The following ZNF451 variants were observed in gnomAD, a reference collection of about 807,000 sequenced individuals.
ZNF451 encodes the protein E3 SUMO-protein ligase ZNF451.
In ZNF451, 80 loss-of-function variants were observed where a neutral mutation model predicts 107.1. The observed-to-expected ratio is 0.75, with a 90% CI of 0.62 to 0.90. ZNF451 has a LOEUF of 0.90. Ranked by LOEUF, ZNF451 falls within the 40% of genes least tolerant of loss-of-function variation. The pLI is 0.00. For missense variants in ZNF451, 1,107 were observed against 1,236.2 expected, an observed-to-expected ratio of 0.90 and a Z score of 1.57; for synonymous variants, 362 against 406.5, an observed-to-expected ratio of 0.89 and a Z score of 1.32.
rs1324639873 is a variant in ZNF451 at position 57,092,065 on chromosome 6, T to C, written c.105+1171T>C. On this transcript the variant is annotated intron_variant, in intron 2 of 14. Transcript: ENST00000370706. ...TTCCTTCACCATGCGCTGAAGTATG[T>C]TTAATAACAGGTTTCCATGGCTCTT... 2.0e-5 allele frequency among the ~76,000 whole-genome samples: 3 copies of C among 152,272 alleles called. No homozygotes were observed. In the East Asian group the frequency reaches 5.8e-4, roughly 29 times the overall value.
chr6:57,141,094 T>G (rs566903056), intron 7 of ZNF451, among the ~76,000 whole-genome samples: 20 of 152,278 alleles, frequency 1.3e-4, no homozygotes, highest in Non-Finnish European at 2.6e-4. Flanking sequence ...TAATTTGGTT[T>G]TGAGGAAAAA....
At chr6:57,093,483 G>T (rs1485688240) in intron 2 of ZNF451, among the ~76,000 whole-genome samples, 4 of 152,206 alleles carry the variant, frequency 2.6e-5, no homozygotes, top group South Asian at 2.1e-4. Flanking sequence ...ATGCAAAGCC[G>T]TGAGTTAAGT....
At chr6:57,107,450 A>G (rs1593092183) in intron 3 of ZNF451, 1 of 985,360 alleles carries the variant, frequency 1.0e-6, no homozygotes. Flanking sequence ...TGATTTTTGA[A>G]CTTAAATCAA....
chr6:57,120,129 C>T (rs116973290), intron 3 of ZNF451, among the ~76,000 whole-genome samples: 4 of 152,186 alleles, frequency 2.6e-5, no homozygotes, highest in East Asian at 3.9e-4. Context: ...CTACAGTTAC[C>T]GTAGTTTTGC....
chr6:57,138,965 TG>T (rs1831612477), intron 7 of ZNF451, among the ~76,000 whole-genome samples: 1 of 151,610 alleles, frequency 6.6e-6, no homozygotes, highest in South Asian at 2.1e-4. Flanking sequence ...AATCACATTT[TG>T]GTTCTGTTGA....
intron 3 of ZNF451, among the ~76,000 whole-genome samples, chr6:57,099,799 G>C (rs761125322): frequency 3.3e-5 from 5 of 152,274 alleles, no homozygotes; most frequent in African/African-American, 1.2e-4. Context: ...TTAATGAGCT[G>C]TTTTCATCTT....
Position 57,168,638 on chromosome 6 carries a change from A to G in ZNF451, c.*169A>G, listed in dbSNP as rs962875349. ...GATCTTTGTTTTGTATTTTTGTGCT[A>G]ATGTGCAAACATGTACAGAAGAAAT... is the stretch of plus-strand genomic sequence containing the variant. On this transcript the variant is annotated 3_prime_UTR_variant, in exon 15 of 15. Coordinates refer to ENST00000370706, the MANE Select transcript of ZNF451 (RefSeq NM_001031623.3). The G allele has an allele frequency of 4.7e-6, 3 of 632,258 alleles. No homozygotes were observed. Among genetic ancestry groups the G allele is most frequent in the African/African-American group, 3.8e-5 (2 of 53,070 alleles). 39.2% of individuals were successfully genotyped at this position (632,258 alleles called of 1,614,324 possible). A position where few individuals can be genotyped will look rare whatever the true frequency, so the allele number is the denominator to read the frequency against.
At chr6:57,137,183 G>A (rs902244977) in intron 7 of ZNF451, among the ~76,000 whole-genome samples, 1 of 152,160 alleles carries the variant, frequency 6.6e-6, no homozygotes, top group Non-Finnish European at 1.5e-5. Context: ...GTATGCATGG[G>A]GGGTTGTAAT....
intron 12 of ZNF451, among the ~76,000 whole-genome samples, chr6:57,152,886 G>A (rs936184438): frequency 1.3e-5 from 2 of 152,160 alleles, no homozygotes; most frequent in Middle Eastern, 3.4e-3. Context: ...GAGCCACTGC[G>A]CCCTGCTGAT....
intron 4 of ZNF451, among the ~76,000 whole-genome samples, chr6:57,125,308 G>T (rs1448338813): frequency 6.6e-6 from 1 of 152,126 alleles, no homozygotes; most frequent in African/African-American, 2.4e-5. Context: ...TTTGAAGCAG[G>T]TTTGTAGATG....
intron 4 of ZNF451, among the ~76,000 whole-genome samples, chr6:57,127,921 A>G (rs1343914985): frequency 6.6e-6 from 1 of 152,178 alleles, no homozygotes; most frequent in African/African-American, 2.4e-5. Context: ...GCCTGCTATA[A>G]ACAAAGATTT....
Position 57,169,666 on chromosome 6 carries a change from T to C in ZNF451, c.*1197T>C, listed in dbSNP as rs1764045598. 1 of 152,222 alleles carries C rather than the reference T, an allele frequency of 6.6e-6. No homozygotes were observed. Among genetic ancestry groups the C allele is most frequent in the Admixed American group, 6.5e-5 (1 of 15,278 alleles). 9.4% of individuals were successfully genotyped at this position (152,222 alleles called of 1,614,324 possible). On this transcript the variant is annotated 3_prime_UTR_variant, in exon 15 of 15. Coordinates refer to ENST00000370706, the MANE Select transcript of ZNF451 (RefSeq NM_001031623.3). ...AATATTTTAGTGTGAAATTGAATTT[T>C]TTTATTACTATAGTCTTTTCAATCT...
At chr6:57,131,193 AATT>A (rs1450648518) in intron 5 of ZNF451, among the ~76,000 whole-genome samples, 1 of 152,190 alleles carries the variant, frequency 6.6e-6, no homozygotes, top group Non-Finnish European at 1.5e-5. Flanking sequence ...CCTTATTTAT[AATT>A]ATTCTAATGT....
chr6:57,094,139 C>A (rs1475752780), intron 2 of ZNF451, among the ~76,000 whole-genome samples: 2 of 152,114 alleles, frequency 1.3e-5, no homozygotes, highest in Non-Finnish European at 2.9e-5. Context: ...AATCAGTTTT[C>A]TCATAACAGG....
intron 3 of ZNF451, among the ~76,000 whole-genome samples, chr6:57,114,448 GT>G (rs2127951412): frequency 6.6e-6 from 1 of 152,264 alleles, no homozygotes; most frequent in Non-Finnish European, 1.5e-5. Context: ...TGATAACGGT[GT>G]TTGGCTTGAA....
chr6:57,127,924 A>G (rs1831006437), intron 4 of ZNF451, among the ~76,000 whole-genome samples: 1 of 152,190 alleles, frequency 6.6e-6, no homozygotes, highest in Non-Finnish European at 1.5e-5. Flanking sequence ...TGCTATAAAC[A>G]AAGATTTATT....
Position 57,119,539 on chromosome 6 carries a change from C to T in ZNF451, c.187-5195C>T, listed in dbSNP as rs529919540. ...ACTCCGTCTCAAAAGAAAAAAGAAG[C>T]CAGGGAAGATCTATTATTTTTCTTT... On this transcript the variant is annotated intron_variant, in intron 3 of 14. Coordinates refer to ENST00000370706, the MANE Select transcript of ZNF451 (RefSeq NM_001031623.3). 2.0e-5 allele frequency among the ~76,000 whole-genome samples: 3 copies of T among 152,108 alleles called. No homozygotes were observed. In the East Asian group the frequency reaches 5.8e-4, roughly 29 times the overall value.
chr6:57,161,187 C>A, intron 14 of ZNF451, 35 bp downstream of exon 14: 2 of 1,242,798 alleles, frequency 1.6e-6, no homozygotes, highest in Non-Finnish European at 2.2e-6. Flanking sequence ...TTCTACTTGA[C>A]TGTATCTGTA....
At chr6:57,129,693 A>G (rs755613330) in intron 5 of ZNF451, among the ~76,000 whole-genome samples, 4 of 152,104 alleles carry the variant, frequency 2.6e-5, no homozygotes, top group Non-Finnish European at 5.9e-5. Context: ...AGTTCATTCC[A>G]TTTGATACCT....
Sources: gnomAD v4.1 joint callset for allele counts (sites outside exome capture counted in the v4.1 genomes callset) on GRCh38, gnomAD v4.1.1 for gene constraint, MANE v1.5 for transcripts, NCBI Gene and HGNC (gene_info 2026-07-23, HGNC 2026-07-21) for gene names.